The following ADGRL1 variants were observed in gnomAD, a reference collection of about 807,000 sequenced individuals.
The protein encoded by ADGRL1 is adhesion G protein-coupled receptor L1.
ADGRL1 carries 31 observed loss-of-function variants against 148.9 expected under a neutral mutation model. That is an observed-to-expected ratio of 0.21 (90% CI 0.16 to 0.28). The LOEUF (loss-of-function observed/expected upper bound fraction) is 0.28, where lower values mean the gene tolerates loss of function less well. Among genes scored for constraint, ADGRL1 ranks in the 10% least tolerant of loss-of-function variants. ADGRL1 has a pLI of 1.00. For missense variants in ADGRL1, 1,521 were observed against 2,058.8 expected, an observed-to-expected ratio of 0.74 and a Z score of 5.05; for synonymous variants, 937 against 900.3, an observed-to-expected ratio of 1.04 and a Z score of -0.73.
chr19:14,193,291 A>AC (rs911164544), intron 1 of ADGRL1, among the ~76,000 whole-genome samples: 9 of 151,176 alleles, frequency 6.0e-5, no homozygotes, highest in Admixed American at 6.6e-5. Flanking sequence ...AAAAAAAAAA[A>AC]AACTCAGGCT....
chr19:14,200,760 C>T (rs539060133), intron 1 of ADGRL1, among the ~76,000 whole-genome samples: 4 of 151,892 alleles, frequency 2.6e-5, no homozygotes, highest in South Asian at 2.1e-4. Flanking sequence ...GACAGGCGTG[C>T]GGCACCATGC....
Position 14,152,899 on chromosome 19 carries a change from T to C in ADGRL1, c.3308A>G (p.Tyr1103Cys), listed in dbSNP as rs1373951675. The change falls in exon 19 of 23, where the codon TAC becomes TGC. Residue 1103 changes from tyrosine (Y) to cysteine (C), a missense_variant. By Grantham distance (194) the Tyr-to-Cys change is radical. Coordinates refer to ENST00000361434, the MANE Select transcript of ADGRL1 (RefSeq NM_014921.5). This position sits in a 1 kb window ranked among gnomAD's most constrained non-coding sequence, Gnocchi z 6.1. Reference sequence around the variant, plus strand: ...GTAGGAGTGACGCAGGCACTTGCTGTACTCCTTGTGCACCTGGGAGGTGGA... The same window carrying C: ...GTAGGAGTGACGCAGGCACTTGCTGCACTCCTTGTGCACCTGGGAGGTGGA... ...CALQKKVHKE[Y>C]SKCLRHSYCC... 6.2e-7 allele frequency: 1 copy of C among 1,614,036 alleles called. No individual in the cohort carries two copies. The highest frequency in any genetic ancestry group is 8.5e-7 in the Non-Finnish European group (1 of 1,179,978).
chr19:14,195,227 T>A (rs1031164606), intron 1 of ADGRL1, among the ~76,000 whole-genome samples: 16 of 152,092 alleles, frequency 1.1e-4, no homozygotes, highest in Admixed American at 8.5e-4. Context: ...GAAACGGGGC[T>A]GCACACCTGC....
In ADGRL1 at chr19:14,151,204, G is replaced by A. The variant is rs750421643; in HGVS notation, c.4079C>T (p.Thr1360Met). ...QSDLDESESC[T>M]AEDGATSRPL... ...CCGGCTGGTGGCGCCGTCCTCGGCCGTGCAGCTCTCCGACTCGTCCAGATC... is the reference window on the plus strand; with the variant it reads ...CCGGCTGGTGGCGCCGTCCTCGGCCATGCAGCTCTCCGACTCGTCCAGATC... Residue 1360 changes from threonine (T) to methionine (M), a missense_variant, in exon 23 of 23, where the codon ACG (threonine) becomes ATG (methionine). Transcript: ENST00000361434. The A allele has an allele frequency of 9.3e-6, 15 of 1,611,330 alleles. No homozygotes were observed. The Admixed American group carries it at 1.0e-4, about 11-fold the overall frequency.
rs1968625120 is a variant in ADGRL1 at position 14,155,467 on chromosome 19, G to T, written c.3186C>A (p.Gly1062=). The T allele has an allele frequency of 6.2e-7, 1 of 1,614,112 alleles. No homozygotes were observed. The highest frequency in any genetic ancestry group is 8.5e-7 in the Non-Finnish European group (1 of 1,180,002). ...CCGACTCCTTGTTGATGAAGAGGAGGCCGAAAGCCCAGGTGAGGCCCAGCA... is the reference window on the plus strand; with the variant it reads ...CCGACTCCTTGTTGATGAAGAGGAGTCCGAAAGCCCAGGTGAGGCCCAGCA... ...LFLLGLTWAF[G]LLFINKESVV... The change falls in exon 18 of 23, where the codon GGC becomes GGA. Residue 1062 remains glycine, a synonymous_variant. Transcript: ENST00000361434. The surrounding 1 kb of genome is among the most constrained non-coding windows in gnomAD (Gnocchi z 5.0).
chr19:14,193,046 C>T (rs1429660417), intron 1 of ADGRL1, among the ~76,000 whole-genome samples: 3 of 152,124 alleles, frequency 2.0e-5, no homozygotes, highest in Admixed American at 6.5e-5. Flanking sequence ...TGGGGGACCA[C>T]GCCTGACCCC....
chr19:14,174,331 CAG>C (rs1053749203), intron 3 of ADGRL1, among the ~76,000 whole-genome samples: 7 of 152,166 alleles, frequency 4.6e-5, no homozygotes, highest in East Asian at 3.9e-4. Flanking sequence ...GCAGGGGTGT[CAG>C]GGGACAGGAA....
chr19:14,170,907 G>A (rs1271369815), intron 3 of ADGRL1, 116 bp from the exon 4 acceptor site: 3 of 627,854 alleles, frequency 4.8e-6, no homozygotes, highest in African/African-American at 1.8e-5. Flanking sequence ...AAGGGGCAGT[G>A]GAGCTGGAAA....
In ADGRL1 at chr19:14,164,977, T is replaced by G. The variant is rs1599431765; in HGVS notation, c.395-1571A>C. Among the ~76,000 whole-genome samples, 3 of 152,244 alleles carry G rather than the reference T, an allele frequency of 2.0e-5. No individual in the cohort carries two copies. The East Asian group carries it at 5.8e-4, about 29-fold the overall frequency. On this transcript the variant is annotated intron_variant, in intron 4 of 22. Coordinates refer to ENST00000361434, the MANE Select transcript of ADGRL1 (RefSeq NM_014921.5). ...TTTGCAGTGAATTCTCTGCTCTTGC[T>G]TGGCATGTCACCAAAGCAGCTGGCC...
intron 2 of ADGRL1, among the ~76,000 whole-genome samples, chr19:14,182,920 G>C (rs943510313): frequency 1.3e-5 from 2 of 152,174 alleles, no homozygotes; most frequent in Non-Finnish European, 2.9e-5. Context: ...GTGGGCAGGG[G>C]GCACATCCCA....
intron 4 of ADGRL1, among the ~76,000 whole-genome samples, chr19:14,168,435 C>T (rs540218057): frequency 3.3e-5 from 5 of 151,988 alleles, no homozygotes; most frequent in South Asian, 2.1e-4. Flanking sequence ...CATGTCTGCG[C>T]GTGTGTGTGT....
chr19:14,160,836 A>C lies in ADGRL1; in HGVS notation c.1511-140T>G. On this transcript the variant is annotated intron_variant, in intron 6 of 22. Coordinates refer to ENST00000361434, the MANE Select transcript of ADGRL1 (RefSeq NM_014921.5). This position sits in a 1 kb window ranked among gnomAD's most constrained non-coding sequence, Gnocchi z 5.9. The stretch of plus-strand genomic sequence containing the variant: ...AGGTGAGGGAAACACGGAGAAACAG[A>C]CATGAAGCGGGCTGGACAGTCGAAA... 1.5e-6 allele frequency: 1 copy of C among 685,916 alleles called. No homozygotes were observed. Among genetic ancestry groups the C allele is most frequent in the South Asian group, 1.6e-5 (1 of 62,892 alleles). The allele number at this position is 685,916 out of a possible 1,614,324, so 42.5% of individuals were successfully genotyped here.
At chr19:14,202,057 G>A (rs371740131) in intron 1 of ADGRL1, among the ~76,000 whole-genome samples, 38 of 152,128 alleles carry the variant, frequency 2.5e-4, no homozygotes, top group Middle Eastern at 3.4e-3. Context: ...AAACGCCCCG[G>A]GGTAGGATCA....
rs1338921384 is a variant in ADGRL1, at chr19:14,147,829, G to C, written c.*3044C>G. The C allele has an allele frequency of 6.6e-6, 1 of 152,214 alleles. No individual in the cohort carries two copies. Among genetic ancestry groups the C allele is most frequent in the South Asian group, 2.1e-4 (1 of 4,826 alleles). The allele number at this position is 152,214 out of a possible 1,614,324, so 9.4% of individuals were successfully genotyped here. On this transcript the variant is annotated 3_prime_UTR_variant, in exon 23 of 23. Transcript: ENST00000361434. The stretch of plus-strand genomic sequence containing the variant: ...TTTTGTTTTTTTCTGAAACGTTCTT[G>C]TTGTTATGAGCCTTTTGTTTTGTTC...
At chr19:14,153,574 CCTGG>C (rs1968433938) in intron 18 of ADGRL1, among the ~76,000 whole-genome samples, 2 of 147,200 alleles carry the variant, frequency 1.4e-5, no homozygotes, top group African/African-American at 5.1e-5. Flanking sequence ...CACCACCACA[CCTGG>C]CTAATTTTTT....
chr19:14,160,733 C>A lies in ADGRL1; in HGVS notation c.1511-37G>T. The A allele has an allele frequency of 8.0e-7, 1 of 1,249,812 alleles. No homozygotes were observed. Among genetic ancestry groups the A allele is most frequent in the Non-Finnish European group, 1.2e-6 (1 of 853,288 alleles). The allele number at this position is 1,249,812 out of a possible 1,614,324, so 77.4% of individuals were successfully genotyped here. A position where few individuals can be genotyped will look rare whatever the true frequency, so the allele number is the denominator to read the frequency against. ...GACAGACAGGAACAGACAAGGGAGC[C>A]AAAGGGAAGAAGAGAAGGATGGGAC... On this transcript the variant is annotated intron_variant, in intron 6 of 22. Coordinates refer to ENST00000361434, the MANE Select transcript of ADGRL1 (RefSeq NM_014921.5). The surrounding 1 kb of genome is among the most constrained non-coding windows in gnomAD (Gnocchi z 5.9).
intron 4 of ADGRL1, among the ~76,000 whole-genome samples, chr19:14,164,086 C>T (rs1039046349): frequency 3.3e-5 from 5 of 152,020 alleles, no homozygotes; most frequent in African/African-American, 4.8e-5. Context: ...CCTGATGCAG[C>T]CTGCTCCCCA....
At position 14,155,600 on chromosome 19, in the gene ADGRL1, C is replaced by T; in HGVS notation, c.3126-73G>A. Reference sequence around the variant, plus strand: ...GCCTCAGCCCAGGCCTCCCCTGCAGCCTACAACGGGGGCCCTTGGGTGGGC... The same window carrying T: ...GCCTCAGCCCAGGCCTCCCCTGCAGTCTACAACGGGGGCCCTTGGGTGGGC... On this transcript the variant is annotated intron_variant, in intron 17 of 22. Coordinates refer to ENST00000361434, the MANE Select transcript of ADGRL1 (RefSeq NM_014921.5). The surrounding 1 kb of genome is among the most constrained non-coding windows in gnomAD (Gnocchi z 5.0). 1 of 1,515,714 alleles carries T rather than the reference C, an allele frequency of 6.6e-7. No individual in the cohort carries two copies. The highest frequency in any genetic ancestry group is 9.0e-7 in the Non-Finnish European group (1 of 1,107,524). 93.9% of individuals were successfully genotyped at this position (1,515,714 alleles called of 1,614,324 possible).
intron 2 of ADGRL1, among the ~76,000 whole-genome samples, chr19:14,180,106 G>A (rs1971086614): frequency 6.6e-6 from 1 of 152,110 alleles, no homozygotes. Flanking sequence ...AAGGCTTGGG[G>A]GAGCCTCTAT....
Sources: allele counts gnomAD v4.1 joint callset (sites outside exome capture counted in the v4.1 genomes callset), GRCh38; gene constraint gnomAD v4.1.1; non-coding constraint Gnocchi (gnomAD v3.1); transcripts MANE v1.5; gene names NCBI Gene and HGNC (gene_info 2026-07-23, HGNC 2026-07-21).